The following CCSER2 variants were observed in gnomAD, a reference collection of about 807,000 sequenced individuals.
The protein encoded by CCSER2 is coiled-coil serine rich protein 2, also known as serine-rich coiled-coil domain-containing protein 2.
CCSER2 carries 46 observed loss-of-function variants against 92.3 expected under a neutral mutation model. The observed-to-expected ratio is 0.50, with a 90% CI of 0.39 to 0.64. The LOEUF is 0.64. CCSER2 is among the 30% of genes least tolerant of loss of function. The pLI is 0.00. For synonymous variants in CCSER2, 433 were observed against 431.4 expected, an observed-to-expected ratio of 1.00 and a Z score of -0.04; for missense variants, 1,244 against 1,238.9, an observed-to-expected ratio of 1.00 and a Z score of -0.06.
At chr10:84,367,736 GTTC>G (rs1183734699) in intron 1 of CCSER2, among the ~76,000 whole-genome samples, 1 of 132,066 alleles carries the variant, frequency 7.6e-6, no homozygotes, top group Non-Finnish European at 1.6e-5. Context: ...CAAATTCATT[GTTC>G]TTCTTAATTG....
chr10:84,397,525 C>T (rs1286597336), intron 3 of CCSER2, among the ~76,000 whole-genome samples: 1 of 152,128 alleles, frequency 6.6e-6, no homozygotes, highest in African/African-American at 2.4e-5. Context: ...TTTCTCTCAT[C>T]TAACAAAAAG....
intron 6 of CCSER2, among the ~76,000 whole-genome samples, chr10:84,453,336 T>G (rs1845411801): frequency 6.6e-6 from 1 of 152,238 alleles, no homozygotes; most frequent in Non-Finnish European, 1.5e-5. Flanking sequence ...CTTTAGAAGA[T>G]CACGTAGTAA....
intron 9 of CCSER2, among the ~76,000 whole-genome samples, chr10:84,508,906 C>T (rs1210611251): frequency 6.6e-6 from 1 of 152,134 alleles, no homozygotes; most frequent in East Asian, 1.9e-4. Context: ...AAGTCCTATG[C>T]TAAATGTTTT....
chr10:84,362,422 T>C (rs1367035689), intron 1 of CCSER2, among the ~76,000 whole-genome samples: 1 of 152,126 alleles, frequency 6.6e-6, no homozygotes, highest in Non-Finnish European at 1.5e-5. Context: ...GGTATTTGAG[T>C]TTTGTGTTCC....
chr10:84,407,938 C>T (rs997943239), intron 3 of CCSER2, among the ~76,000 whole-genome samples: 1 of 151,952 alleles, frequency 6.6e-6, no homozygotes, highest in African/African-American at 2.4e-5. Flanking sequence ...GGCAGTCACC[C>T]ACACTGGTTC....
intron 5 of CCSER2, among the ~76,000 whole-genome samples, chr10:84,428,143 G>C (rs1471737696): frequency 6.6e-6 from 1 of 152,122 alleles, no homozygotes; most frequent in Non-Finnish European, 1.5e-5. Flanking sequence ...TGTTTGCTTA[G>C]TCCTGTAGGA....
chr10:84,459,041 T>C lies in CCSER2; in HGVS notation c.2065-4892T>C, dbSNP rs144020908. Among the ~76,000 whole-genome samples the C allele has an allele frequency of 8.5e-5, 13 of 152,338 alleles. 1 individual carries two copies. In the East Asian group the frequency reaches 2.3e-3, roughly 27 times the overall value. On this transcript the variant is annotated intron_variant, in intron 6 of 9. Transcript: ENST00000372088. ...GTTTTTGTCTTTGAGACGTTCTCGCTGTGTTGCCCAGACTGGAATGCAGTG... is the reference window on the plus strand; with the variant it reads ...GTTTTTGTCTTTGAGACGTTCTCGCCGTGTTGCCCAGACTGGAATGCAGTG...
chr10:84,481,389 T>A (rs1330320224), intron 9 of CCSER2, among the ~76,000 whole-genome samples: 1 of 151,538 alleles, frequency 6.6e-6, no homozygotes, highest in Non-Finnish European at 1.5e-5. Context: ...TTTTATATAT[T>A]TTATATATAT....
chr10:84,445,222 C>T (rs183958536), intron 6 of CCSER2, among the ~76,000 whole-genome samples: 36 of 152,176 alleles, frequency 2.4e-4, no homozygotes, highest in African/African-American at 7.7e-4. Context: ...GGTGCAGTCT[C>T]GGCTCACTGC....
intron 9 of CCSER2, among the ~76,000 whole-genome samples, chr10:84,497,751 C>G (rs1339887749): frequency 6.6e-6 from 1 of 152,114 alleles, no homozygotes; most frequent in Non-Finnish European, 1.5e-5. Context: ...ATACTTTCAC[C>G]TAAATTATTT....
chr10:84,337,195 T>G (rs1252716619), intron 1 of CCSER2, among the ~76,000 whole-genome samples: 1 of 152,186 alleles, frequency 6.6e-6, no homozygotes, highest in Non-Finnish European at 1.5e-5. Context: ...GAGAATGGAT[T>G]AAAATAATTT....
chr10:84,506,462 G>T lies in CCSER2; in HGVS notation c.2326-6987G>T, dbSNP rs7095535. Among the ~76,000 whole-genome samples, 952 of 152,220 alleles carry T rather than the reference G, an allele frequency of 6.3e-3. 5 individuals are homozygous for T. The highest frequency in any genetic ancestry group is 0.022 in the African/African-American group (907 of 41,522). On this transcript the variant is annotated intron_variant, in intron 9 of 9. Transcript: ENST00000372088. ...CACTTATAATTTGCATCATATTCAG[G>T]TTAAGATCAGATTATACCTTTAGTG...
intron 9 of CCSER2, among the ~76,000 whole-genome samples, chr10:84,484,304 G>A (rs988550890): frequency 6.6e-6 from 1 of 151,728 alleles, no homozygotes; most frequent in African/African-American, 2.4e-5. Context: ...GTAGAGATGG[G>A]GTTTCACCAT....
intron 3 of CCSER2, among the ~76,000 whole-genome samples, chr10:84,412,152 T>C (rs1277049812): frequency 1.3e-5 from 2 of 151,262 alleles, no homozygotes. Context: ...GCATCCCAGG[T>C]GGATAAGCTT....
rs116815795 is a variant in CCSER2 at position 84,476,287 on chromosome 10, T to A, written c.2236-1288T>A. Among the ~76,000 whole-genome samples the A allele has an allele frequency of 8.9e-3, 1,361 of 152,170 alleles. 18 individuals carry two copies. The highest frequency in any genetic ancestry group is 0.031 in the African/African-American group (1,290 of 41,504). Reference sequence around the variant, plus strand: ...GAAAAATTTTGAATATGGGTAAATATTATTAAAGTAGAAATGTATCATTTT... The same window carrying A: ...GAAAAATTTTGAATATGGGTAAATAATATTAAAGTAGAAATGTATCATTTT... On this transcript the variant is annotated intron_variant, in intron 8 of 9. Coordinates refer to ENST00000372088, the MANE Select transcript of CCSER2 (RefSeq NM_001284240.2).
At chr10:84,512,395 T>TGTGTGTGAGA (rs1554872145) in intron 9 of CCSER2, among the ~76,000 whole-genome samples, 1 of 129,736 alleles carries the variant, frequency 7.7e-6, no homozygotes, top group African/African-American at 2.8e-5. Flanking sequence ...TGTGTGTGTG[T>TGTGTGTGAGA]GAGAGAGAGA....
intron 6 of CCSER2, among the ~76,000 whole-genome samples, chr10:84,449,789 G>C (rs1174108445): frequency 6.6e-6 from 1 of 152,160 alleles, no homozygotes; most frequent in Non-Finnish European, 1.5e-5. Context: ...AGAGGTTGCG[G>C]TGAGCTGAGA....
chr10:84,441,537 A>G (rs1318728312), intron 6 of CCSER2, among the ~76,000 whole-genome samples: 2 of 151,802 alleles, frequency 1.3e-5, no homozygotes, highest in East Asian at 1.9e-4. Context: ...CAAATTTATA[A>G]TGATTCTTTG....
intron 3 of CCSER2, among the ~76,000 whole-genome samples, chr10:84,410,832 C>G (rs976918813): frequency 5.3e-5 from 8 of 152,168 alleles, no homozygotes; most frequent in Non-Finnish European, 1.0e-4. Flanking sequence ...AAGTATTTGC[C>G]TGTGCCTAAA....
Sources: allele counts gnomAD v4.1 joint callset (sites outside exome capture counted in the v4.1 genomes callset), GRCh38; gene constraint gnomAD v4.1.1; transcripts MANE v1.5; gene names NCBI Gene and HGNC (gene_info 2026-07-23, HGNC 2026-07-21).